IGF1R: variants seen among roughly 807,000 people sequenced by gnomAD.
IGF1R encodes the protein insulin-like growth factor 1 receptor.
A neutral mutation model predicts 144.6 loss-of-function variants in IGF1R; 44 were observed. That is an observed-to-expected ratio of 0.30 (90% CI 0.24 to 0.39). The LOEUF is 0.39. Ranked by LOEUF, IGF1R falls within the 10% of genes least tolerant of loss-of-function variation. IGF1R has a pLI of 1.00. For missense variants in IGF1R, 1,355 were observed against 1,833.7 expected (o/e 0.74, Z 4.77); for synonymous variants, 795 against 722.8 (o/e 1.10, Z -1.60).
chr15:98,722,868 A>G lies in IGF1R; in HGVS notation c.640+14761A>G, dbSNP rs559053699. On this transcript the variant is annotated intron_variant, in intron 2 of 20. Coordinates refer to ENST00000650285, the MANE Select transcript of IGF1R (RefSeq NM_000875.5). ...CGAGTTTCCTGCCTGTGTGGGCAGG[A>G]GGATTCTCAGTGGAATCAGGAGCAT... Among the ~76,000 whole-genome samples the G allele has an allele frequency of 2.0e-5, 3 of 152,230 alleles. No individual in the cohort carries two copies. In the South Asian group the frequency reaches 6.2e-4, roughly 32 times the overall value.
At chr15:98,868,839 C>T (rs533196040) in intron 2 of IGF1R, among the ~76,000 whole-genome samples, 1 of 152,350 alleles carries the variant, frequency 6.6e-6, no homozygotes, top group South Asian at 2.1e-4. Context: ...TACTACTAAA[C>T]ATTCATTCTT....
At chr15:98,925,593 A>G (rs547833989) in intron 13 of IGF1R, among the ~76,000 whole-genome samples, 1 of 152,316 alleles carries the variant, frequency 6.6e-6, no homozygotes, top group Admixed American at 6.5e-5. Context: ...TGCTACTCAC[A>G]TCTGGAGTTA....
intron 10 of IGF1R, among the ~76,000 whole-genome samples, chr15:98,921,330 G>A (rs12906299): frequency 5.0e-4 from 76 of 152,286 alleles, no homozygotes; most frequent in African/African-American, 7.0e-4. Context: ...TTAGAGGGTC[G>A]CACCCTCATG....
chr15:98,800,826 C>A (rs2056346365), intron 2 of IGF1R, among the ~76,000 whole-genome samples: 1 of 152,148 alleles, frequency 6.6e-6, no homozygotes, highest in African/African-American at 2.4e-5. Context: ...GAATGAGGCC[C>A]AGAAGGGGGA....
chr15:98,935,556 G>T lies in IGF1R; in HGVS notation c.3297+130G>T. 2.8e-6 allele frequency: 2 copies of T among 724,526 alleles called. No homozygotes were observed. The highest frequency in any genetic ancestry group is 1.5e-5 in the South Asian group (1 of 67,096). The allele number at this position is 724,526 out of a possible 1,614,324, so 44.9% of individuals were successfully genotyped here. ...CAGCATCCAGTGTTTCTTACTGCAT[G>T]CTCAGTTGTAGGTCATTTATGCAAA... On this transcript the variant is annotated intron_variant, in intron 17 of 20. Transcript: ENST00000650285. The surrounding 1 kb of genome is among the most constrained non-coding windows in gnomAD (Gnocchi z 4.2).
intron 2 of IGF1R, among the ~76,000 whole-genome samples, chr15:98,828,670 G>C (rs1481815009): frequency 1.3e-5 from 2 of 151,902 alleles, no homozygotes; most frequent in Non-Finnish European, 2.9e-5. Flanking sequence ...AGAAATTAAT[G>C]ATCTGTGAAG....
In IGF1R at chr15:98,672,158, A is replaced by G. The variant is rs2141198060; in HGVS notation, c.94+22483A>G. On this transcript the variant is annotated intron_variant, in intron 1 of 20. Coordinates refer to ENST00000650285, the MANE Select transcript of IGF1R (RefSeq NM_000875.5). ...GGGCACACGTTTCATTTTTGCCTGT[A>G]AAAGAATTGGGAATATTTATGATTC... Among the ~76,000 whole-genome samples, 3 of 152,336 alleles carry G rather than the reference A, an allele frequency of 2.0e-5. No individual in the cohort carries two copies. The Middle Eastern group carries it at 0.01, about 518-fold the overall frequency.
chr15:98,814,268 G>A (rs557711187), intron 2 of IGF1R, among the ~76,000 whole-genome samples: 1 of 152,118 alleles, frequency 6.6e-6, no homozygotes, highest in African/African-American at 2.4e-5. Context: ...TCACTTTGGA[G>A]CAACACTTAC....
intron 12 of IGF1R, among the ~76,000 whole-genome samples, 188 bp downstream of exon 12, chr15:98,924,200 G>A (rs893523523): frequency 1.3e-5 from 2 of 152,256 alleles, no homozygotes; most frequent in Non-Finnish European, 2.9e-5. Context: ...AGTGTGCAAA[G>A]AGCTAGGCTG....
intron 1 of IGF1R, among the ~76,000 whole-genome samples, chr15:98,655,113 C>T (rs745339799): frequency 3.9e-5 from 6 of 151,976 alleles, no homozygotes; most frequent in Non-Finnish European, 7.4e-5. Flanking sequence ...CCCCCATCCC[C>T]GAGGGTCTGG....
At chr15:98,696,231 A>G (rs1170850119) in intron 1 of IGF1R, among the ~76,000 whole-genome samples, 1 of 152,018 alleles carries the variant, frequency 6.6e-6, no homozygotes, top group Non-Finnish European at 1.5e-5. Context: ...CATCCAGTGT[A>G]TTTGCCATTG....
At chr15:98,844,448 A>G (rs769669771) in intron 2 of IGF1R, among the ~76,000 whole-genome samples, 7 of 152,006 alleles carry the variant, frequency 4.6e-5, no homozygotes, top group Non-Finnish European at 5.9e-5. Flanking sequence ...CAAAAAAACT[A>G]TTTACGGTTT....
At position 98,836,805 on chromosome 15, in the gene IGF1R, G is replaced by T. The variant is rs182604456; in HGVS notation, c.641-54520G>T. ...TTGATATTTTTGAATAGTATGGACA[G>T]GTTGTTGCATAGAATGCTCCAAATT... On this transcript the variant is annotated intron_variant, in intron 2 of 20. Coordinates refer to ENST00000650285, the MANE Select transcript of IGF1R (RefSeq NM_000875.5). Among the ~76,000 whole-genome samples, 415 of 152,282 alleles carry T rather than the reference G, an allele frequency of 2.7e-3. 11 individuals carry two copies. The highest frequency in any genetic ancestry group is 1.8e-3 in the Non-Finnish European group (123 of 68,024).
chr15:98,795,863 G>C (rs2056229543), intron 2 of IGF1R, among the ~76,000 whole-genome samples: 1 of 152,198 alleles, frequency 6.6e-6, no homozygotes, highest in South Asian at 2.1e-4. Context: ...CGTGTCACCT[G>C]TGCCTTCTTA....
At chr15:98,692,337 C>T (rs1028146572) in intron 1 of IGF1R, among the ~76,000 whole-genome samples, 6 of 151,936 alleles carry the variant, frequency 3.9e-5, no homozygotes, top group Non-Finnish European at 8.8e-5. Context: ...GACCCTGGCT[C>T]CAAAGAAAAA....
intron 2 of IGF1R, among the ~76,000 whole-genome samples, chr15:98,716,211 C>T (rs1241209914): frequency 1.3e-5 from 2 of 152,152 alleles, no homozygotes; most frequent in Admixed American, 1.3e-4. Flanking sequence ...GTGCCGTTTC[C>T]TCAAACTCTA....
At chr15:98,775,931 G>C (rs996428227) in intron 2 of IGF1R, among the ~76,000 whole-genome samples, 3 of 152,220 alleles carry the variant, frequency 2.0e-5, no homozygotes, top group Non-Finnish European at 4.4e-5. Context: ...TGTGTTGTGG[G>C]AGGAAGAGAC....
chr15:98,752,116 A>G (rs888693530), intron 2 of IGF1R, among the ~76,000 whole-genome samples: 17 of 152,172 alleles, frequency 1.1e-4, no homozygotes, highest in African/African-American at 3.9e-4. Flanking sequence ...CCTTTCAGAC[A>G]GTTGCTCAGA....
chr15:98,951,268 C>G (rs1024410439), intron 20 of IGF1R, among the ~76,000 whole-genome samples: 2 of 152,228 alleles, frequency 1.3e-5, no homozygotes, highest in Non-Finnish European at 2.9e-5. Flanking sequence ...TGGGAGGCTC[C>G]TCTTCTCTGA....
Sources: gnomAD v4.1 joint callset for allele counts (sites outside exome capture counted in the v4.1 genomes callset) on GRCh38, gnomAD v4.1.1 for gene constraint, Gnocchi (gnomAD v3.1) non-coding constraint, MANE v1.5 for transcripts, NCBI Gene and HGNC (gene_info 2026-07-23, HGNC 2026-07-21) for gene names.